The following ERBB4 variants were observed in gnomAD, a reference collection of about 807,000 sequenced individuals.
The protein encoded by ERBB4 is erb-b2 receptor tyrosine kinase 4, also known as receptor tyrosine-protein kinase erbB-4.
In ERBB4, 42 loss-of-function variants were observed where a neutral mutation model predicts 158.0. The ratio of observed to expected loss-of-function variants is 0.27; its 90% CI spans 0.21 to 0.34. The LOEUF (loss-of-function observed/expected upper bound fraction) is 0.34. Ranked by LOEUF, ERBB4 falls within the 10% of genes least tolerant of loss-of-function variation. The pLI is 1.00. For missense variants in ERBB4, 1,333 were observed against 1,624.1 expected (o/e 0.82, Z 3.08); for synonymous variants, 583 against 558.7 (o/e 1.04, Z -0.61).
Position 211,837,627 on chromosome 2 carries a change from A to G in ERBB4, c.422-49468T>C, listed in dbSNP as rs11885603. Among the ~76,000 whole-genome samples the G allele has an allele frequency of 2.9e-3, 441 of 152,230 alleles. 2 individuals are homozygous for G. The highest frequency in any genetic ancestry group is 0.01 in the African/African-American group (432 of 41,564). On this transcript the variant is annotated intron_variant, in intron 3 of 27. Coordinates refer to ENST00000342788, the MANE Select transcript of ERBB4 (RefSeq NM_005235.3). ...TCTCCTTCTCACTAACTAACTGGGT[A>G]GGCTTGGGCAAGTTATTTAACTTCT...
intron 2 of ERBB4, among the ~76,000 whole-genome samples, chr2:212,115,534 T>C (rs947546579): frequency 1.1e-4 from 16 of 152,208 alleles, no homozygotes; most frequent in African/African-American, 3.6e-4. Flanking sequence ...TCTCTCTCTT[T>C]GAATAAAGGT....
At chr2:212,431,224 A>G (rs952073250) in intron 1 of ERBB4, among the ~76,000 whole-genome samples, 1 of 142,712 alleles carries the variant, frequency 7.0e-6, no homozygotes, top group Non-Finnish European at 1.5e-5. Flanking sequence ...CTTGGTCTAT[A>G]TTCTCATCTA....
At chr2:211,862,069 C>T (rs1234831535) in intron 3 of ERBB4, among the ~76,000 whole-genome samples, 7 of 152,032 alleles carry the variant, frequency 4.6e-5, no homozygotes, top group Non-Finnish European at 8.8e-5. Flanking sequence ...TTTAACCTTG[C>T]TGTTACTAAA....
intron 20 of ERBB4, among the ~76,000 whole-genome samples, chr2:211,520,619 C>T (rs10804197): frequency 0.34 from 50,925 of 151,898 alleles, 9,730 homozygotes; most frequent in East Asian, 0.62. Flanking sequence ...TTTGTCAAAC[C>T]TTGGTCTAGA....
chr2:212,123,229 C>T (rs1204417478), intron 2 of ERBB4, among the ~76,000 whole-genome samples: 1 of 152,078 alleles, frequency 6.6e-6, no homozygotes, highest in Non-Finnish European at 1.5e-5. Flanking sequence ...CAGTGAAACT[C>T]CTGTCTCCAC....
chr2:212,177,887 A>G (rs1431471089), intron 1 of ERBB4, among the ~76,000 whole-genome samples: 1 of 151,760 alleles, frequency 6.6e-6, no homozygotes, highest in Admixed American at 6.6e-5. Context: ...AGGATAAAGC[A>G]CTTAAGCTAA....
intron 7 of ERBB4, among the ~76,000 whole-genome samples, chr2:211,719,977 G>T (rs188096811): frequency 1.3e-5 from 2 of 151,942 alleles, no homozygotes; most frequent in Non-Finnish European, 2.9e-5. Flanking sequence ...GAAAGTACAC[G>T]GCATAAACAT....
intron 1 of ERBB4, among the ~76,000 whole-genome samples, chr2:212,439,013 G>GGAT (rs2092196215): frequency 6.6e-6 from 1 of 152,078 alleles, no homozygotes; most frequent in African/African-American, 2.4e-5. Flanking sequence ...TAGAAAAACT[G>GGAT]GATGCCCTTT....
intron 1 of ERBB4, among the ~76,000 whole-genome samples, chr2:212,166,269 A>G (rs929764900): frequency 1.3e-5 from 2 of 152,122 alleles, no homozygotes; most frequent in African/African-American, 4.8e-5. Context: ...CCAGTCTGGA[A>G]ATCACTGAGG....
intron 2 of ERBB4, among the ~76,000 whole-genome samples, chr2:212,098,570 C>G (rs4319888): frequency 0.27 from 40,787 of 151,994 alleles, 7,826 homozygotes; most frequent in African/African-American, 0.54. Context: ...TTGGAAATGG[C>G]TTGTTTGTAT....
At chr2:212,348,616 A>G (rs2089120247) in intron 1 of ERBB4, among the ~76,000 whole-genome samples, 1 of 152,086 alleles carries the variant, frequency 6.6e-6, no homozygotes, top group Non-Finnish European at 1.5e-5. Context: ...ATGTAAAAAT[A>G]GAAGAAAGTA....
chr2:211,855,664 C>T lies in ERBB4; in HGVS notation c.422-67505G>A, dbSNP rs1002065257. ...TTATATTACTTTGTCTATTTCTCTGCCCTTTTACCAATAATAGGCATACTG... is the reference window on the plus strand; with the variant it reads ...TTATATTACTTTGTCTATTTCTCTGTCCTTTTACCAATAATAGGCATACTG... On this transcript the variant is annotated intron_variant, in intron 3 of 27. Coordinates refer to ENST00000342788, the MANE Select transcript of ERBB4 (RefSeq NM_005235.3). Among the ~76,000 whole-genome samples the T allele has an allele frequency of 4.6e-5, 7 of 152,238 alleles. No homozygotes were observed. The East Asian group carries it at 1.2e-3, about 25-fold the overall frequency.
rs1157154771 is a variant in ERBB4, at chr2:211,532,157, G to GC, written c.2487+29745_2487+29746insG. On this transcript the variant is annotated intron_variant, in intron 20 of 27. Transcript: ENST00000342788. The stretch of plus-strand genomic sequence containing the variant: ...CAGAGTCTGGGAAGGGTTGTGGGGG[G>GC]GGAAAGTAGGTATGGTCAATGGGTA... Among the ~76,000 whole-genome samples, 12 of 151,498 alleles carry GC rather than the reference G, an allele frequency of 7.9e-5. No homozygotes were observed. The East Asian group carries it at 1.6e-3, about 20-fold the overall frequency.
chr2:212,288,946 G>T lies in ERBB4; in HGVS notation c.83-164043C>A, dbSNP rs2086104506. Among the ~76,000 whole-genome samples, 3 of 152,218 alleles carry T rather than the reference G, an allele frequency of 2.0e-5. No individual in the cohort carries two copies. The Middle Eastern group carries it at 0.01, about 518-fold the overall frequency. ...TAAAAGAAAGGGAGGAAAGAGAAAG[G>T]CTTGGTTCTGGAAGAGGATAGAGAG... On this transcript the variant is annotated intron_variant, in intron 1 of 27. Transcript: ENST00000342788.
At chr2:211,798,787 A>T (rs2076437228) in intron 3 of ERBB4, among the ~76,000 whole-genome samples, 1 of 152,122 alleles carries the variant, frequency 6.6e-6, no homozygotes, top group Admixed American at 6.6e-5. Context: ...AATATTATTA[A>T]ATGTCTTACT....
At chr2:211,654,762 A>C (rs2071146665) in intron 16 of ERBB4, among the ~76,000 whole-genome samples, 1 of 152,178 alleles carries the variant, frequency 6.6e-6, no homozygotes, top group Non-Finnish European at 1.5e-5. Context: ...CAATATTTGA[A>C]CCTAGACATT....
In ERBB4 at chr2:212,384,935, A is replaced by T. The variant is rs986582172; in HGVS notation, c.82+153514T>A. 8.9e-5 allele frequency among the ~76,000 whole-genome samples: 13 copies of T among 145,628 alleles called. No individual in the cohort carries two copies. The Admixed American group carries it at 9.0e-4, about 10-fold the overall frequency. On this transcript the variant is annotated intron_variant, in intron 1 of 27. Transcript: ENST00000342788. ...TATATATATATACACACACACACAC[A>T]CTCACACACACAAACACACACACAT...
At position 211,693,388 on chromosome 2, in the gene ERBB4, CA is replaced by C. The variant is rs553888497; in HGVS notation, c.1489+8578del. Among the ~76,000 whole-genome samples, 16 of 151,808 alleles carry C rather than the reference CA, an allele frequency of 1.1e-4. No homozygotes were observed. The South Asian group carries it at 3.3e-3, about 32-fold the overall frequency. ...TTGAATATGTTATTGTTAGTAAATGCAAAAAAACCCCACTATTTATAGAATG... is the reference window on the plus strand; with the variant it reads ...TTGAATATGTTATTGTTAGTAAATGCAAAAAACCCCACTATTTATAGAATG... On this transcript the variant is annotated intron_variant, in intron 12 of 27. Coordinates refer to ENST00000342788, the MANE Select transcript of ERBB4 (RefSeq NM_005235.3).
chr2:212,415,227 A>G (rs1319657082), intron 1 of ERBB4, among the ~76,000 whole-genome samples: 1 of 152,164 alleles, frequency 6.6e-6, no homozygotes, highest in Non-Finnish European at 1.5e-5. Context: ...ATTTATAAAA[A>G]AGGCCTGTTT....
Sources: allele counts gnomAD v4.1 joint callset (sites outside exome capture counted in the v4.1 genomes callset), GRCh38; gene constraint gnomAD v4.1.1; transcripts MANE v1.5; gene names NCBI Gene and HGNC (gene_info 2026-07-23, HGNC 2026-07-21).